Variants in MAPT observed in about 807,000 individuals in gnomAD.
MAPT encodes the protein microtubule associated protein tau.
In MAPT, 34 loss-of-function variants were observed where a neutral mutation model predicts 67.9. The ratio of observed to expected loss-of-function variants is 0.50; its 90% CI spans 0.38 to 0.67. The LOEUF (loss-of-function observed/expected upper bound fraction) is 0.67, where lower values mean the gene tolerates loss of function less well. Among genes scored for constraint, MAPT ranks in the 30% least tolerant of loss-of-function variants. MAPT has a pLI of 0.00. For synonymous variants in MAPT, 456 were observed against 464.5 expected (o/e 0.98, Z 0.23); for missense variants, 881 against 1,115.2 (o/e 0.79, Z 2.99).
At chr17:45,965,434 A>C (rs1324222651) in intron 2 of MAPT, among the ~76,000 whole-genome samples, 1 of 151,528 alleles carries the variant, frequency 6.6e-6, no homozygotes, top group East Asian at 2.0e-4. Flanking sequence ...CGTCCTAAAA[A>C]AAAAGGAGTT....
In MAPT at chr17:45,916,040, TCCTGTCCCAGTCAG is replaced by T. The variant is rs539289923; in HGVS notation, c.-18+21357_-18+21370del. The stretch of plus-strand genomic sequence containing the variant: ...GGGCGGATTCACACCCTGCCCACAG[TCCTGTCCCAGTCAG>T]CCCACCATGGTGGTCTCCGGTTCCT... On this transcript the variant is annotated intron_variant, in intron 1 of 12. Transcript: ENST00000262410. Among the ~76,000 whole-genome samples the T allele has an allele frequency of 1.6e-4, 24 of 152,326 alleles. No homozygotes were observed. The South Asian group carries it at 5.0e-3, about 32-fold the overall frequency.
At chr17:45,970,938 T>C (rs2071599886) in intron 2 of MAPT, among the ~76,000 whole-genome samples, 1 of 152,200 alleles carries the variant, frequency 6.6e-6, no homozygotes. Flanking sequence ...TTTTGTCCCT[T>C]CCCAGTACCT....
chr17:45,936,525 T>A (rs1371178150), intron 1 of MAPT, among the ~76,000 whole-genome samples: 1 of 152,260 alleles, frequency 6.6e-6, no homozygotes, highest in Non-Finnish European at 1.5e-5. Context: ...ACAGTGGACA[T>A]GTCTGAAGCA....
At chr17:45,926,496 T>G (rs986206340) in intron 1 of MAPT, among the ~76,000 whole-genome samples, 1 of 152,004 alleles carries the variant, frequency 6.6e-6, no homozygotes, top group African/African-American at 2.4e-5. Context: ...TTTTTATTTT[T>G]AGAGATGGTG....
intron 2 of MAPT, among the ~76,000 whole-genome samples, chr17:45,966,547 C>A (rs527579897): frequency 1.3e-5 from 2 of 152,064 alleles, no homozygotes; most frequent in Non-Finnish European, 2.9e-5. Flanking sequence ...TGTGATTGTA[C>A]CACTGCACTC....
intron 1 of MAPT, chr17:45,895,420 C>A (rs1235307572): frequency 6.6e-6 from 1 of 152,288 alleles, no homozygotes; most frequent in African/African-American, 2.4e-5. Flanking sequence ...ACGCGAGCAG[C>A]GCCGTGCCTG....
At chr17:45,991,418 T>A in intron 7 of MAPT, 42 bp from the exon 8 acceptor site, 1 of 1,613,508 alleles carries the variant, frequency 6.2e-7, no homozygotes, top group Non-Finnish European at 8.5e-7. Flanking sequence ...GCAGTAACTT[T>A]TCCCAATGGT....
chr17:46,017,207 G>A (rs1176705008), intron 11 of MAPT, among the ~76,000 whole-genome samples: 1 of 152,194 alleles, frequency 6.6e-6, no homozygotes, highest in Non-Finnish European at 1.5e-5. Flanking sequence ...AAAGTCCTGT[G>A]GGCTGTCTCT....
At chr17:45,974,346 C>T (rs575701168) in intron 3 of MAPT, 15 of 1,432,756 alleles carry the variant, frequency 1.0e-5, no homozygotes, top group Admixed American at 9.6e-5. Context: ...GGGTATGGCT[C>T]GTCCTGGCCC....
At chr17:45,921,716 G>T (rs1456858430) in intron 1 of MAPT, among the ~76,000 whole-genome samples, 1 of 152,158 alleles carries the variant, frequency 6.6e-6, no homozygotes, top group Non-Finnish European at 1.5e-5. Flanking sequence ...AGAAGTTTTT[G>T]AATATTGTAA....
At chr17:46,012,218 C>T (rs1172058966) in intron 10 of MAPT, among the ~76,000 whole-genome samples, 1 of 152,156 alleles carries the variant, frequency 6.6e-6, no homozygotes. Context: ...AGAGAGTGCA[C>T]ACGGGCTGCG....
At position 46,010,516 on chromosome 17, in the gene MAPT, G is replaced by T. The variant is rs1429550170; in HGVS notation, c.2091+114G>T. 1.2e-6 allele frequency: 1 copy of T among 811,422 alleles called. No homozygotes were observed. Among genetic ancestry groups the T allele is most frequent in the African/African-American group, 1.7e-5 (1 of 59,046 alleles). 50.3% of individuals were successfully genotyped at this position (811,422 alleles called of 1,614,324 possible). A position where few individuals can be genotyped will look rare whatever the true frequency, so the allele number is the denominator to read the frequency against. ...AGAATAAATCCTTCTTGGGCTCTCA[G>T]GATCTGGCTGCGACCTCTGGGTGAA... On this transcript the variant is annotated intron_variant, in intron 10 of 12. Coordinates refer to ENST00000262410, the MANE Select transcript of MAPT (RefSeq NM_001377265.1). This position sits in a 1 kb window ranked among gnomAD's most constrained non-coding sequence, Gnocchi z 4.7.
intron 1 of MAPT, among the ~76,000 whole-genome samples, chr17:45,941,673 C>CCTT (rs1568207299): frequency 3.5e-5 from 1 of 28,456 alleles, no homozygotes. Flanking sequence ...CCCCCTTCCC[C>CCTT]CCTTCCCTCC....
intron 1 of MAPT, among the ~76,000 whole-genome samples, chr17:45,927,239 T>C (rs1452104068): frequency 6.6e-6 from 1 of 152,122 alleles, no homozygotes; most frequent in Non-Finnish European, 1.5e-5. Flanking sequence ...CAATGTGATT[T>C]GGCAATTTCA....
chr17:45,989,694 C>T (rs1443595349), intron 6 of MAPT, among the ~76,000 whole-genome samples, 184 bp from the exon 7 acceptor site: 3 of 152,160 alleles, frequency 2.0e-5, no homozygotes, highest in African/African-American at 4.8e-5. Flanking sequence ...TTGGGGAGGA[C>T]GGTCACTTTC....
At chr17:45,901,851 T>TC (rs2063630815) in intron 1 of MAPT, among the ~76,000 whole-genome samples, 1 of 152,164 alleles carries the variant, frequency 6.6e-6, no homozygotes, top group African/African-American at 2.4e-5. Context: ...TCCTCCGATT[T>TC]CAGTTTGGAT....
Position 45,897,967 on chromosome 17 carries a change from T to C in MAPT, c.-18+3281T>C, listed in dbSNP as rs1425458236. On this transcript the variant is annotated intron_variant, in intron 1 of 12. Transcript: ENST00000262410. This position sits in a 1 kb window ranked among gnomAD's most constrained non-coding sequence, Gnocchi z 5.0. ...GCTTATATTTACTGTATAAGCATTG[T>C]ATTTACTGTATAAGCATTGTATTAT... The C allele has an allele frequency of 6.6e-6, 1 of 152,246 alleles. No homozygotes were observed. Among genetic ancestry groups the C allele is most frequent in the East Asian group, 1.9e-4 (1 of 5,200 alleles). The allele number at this position is 152,246 out of a possible 1,614,324, so 9.4% of individuals were successfully genotyped here.
Position 45,991,510 on chromosome 17 carries a change from A to G in MAPT, c.1656A>G (p.Pro552=). 6.2e-7 allele frequency: 1 copy of G among 1,614,196 alleles called. No individual in the cohort carries two copies. The highest frequency in any genetic ancestry group is 8.5e-7 in the Non-Finnish European group (1 of 1,180,026). Residue 552 remains proline (P), a synonymous_variant, in exon 8 of 13, where the codon CCA becomes CCG. Coordinates refer to ENST00000262410, the MANE Select transcript of MAPT (RefSeq NM_001377265.1). ...KIATPRGAAP[P]GQKGQANATR... is the part of the protein sequence containing the mutation. ...CCACACCGCGGGGAGCAGCCCCTCC[A>G]GGCCAGAAGGGCCAGGCCAACGCCA...
At chr17:45,925,125 T>C (rs2066154938) in intron 1 of MAPT, among the ~76,000 whole-genome samples, 1 of 152,230 alleles carries the variant, frequency 6.6e-6, no homozygotes. Context: ...CCCTATCTCT[T>C]GTGTTTGACG....
Sources: allele counts gnomAD v4.1 joint callset (sites outside exome capture counted in the v4.1 genomes callset), GRCh38; gene constraint gnomAD v4.1.1; non-coding constraint Gnocchi (gnomAD v3.1); transcripts MANE v1.5; gene names NCBI Gene and HGNC (gene_info 2026-07-23, HGNC 2026-07-21).